PTGES3: variants seen among roughly 807,000 people sequenced by gnomAD.
The protein encoded by PTGES3 is prostaglandin E synthase 3, also known as Hsp90 co-chaperone.
Under a neutral mutation model 29.9 loss-of-function variants are expected in PTGES3, and 5 were observed. The ratio of observed to expected loss-of-function variants is 0.17; its 90% CI spans 0.09 to 0.35. The LOEUF is 0.35. Ranked by LOEUF, PTGES3 falls within the 10% of genes least tolerant of loss-of-function variation. PTGES3 has a pLI of 1.00. For missense variants in PTGES3, 128 were observed against 190.0 expected (o/e 0.67, Z 1.92); for synonymous variants, 49 against 57.8 (o/e 0.85, Z 0.69).
chr12:56,683,142 G>A (rs1164199851), intron 1 of PTGES3, among the ~76,000 whole-genome samples: 5 of 151,864 alleles, frequency 3.3e-5, no homozygotes, highest in Non-Finnish European at 2.9e-5. Flanking sequence ...GAGGTCAGGA[G>A]TTCAAGACCA....
At chr12:56,673,125 C>A in intron 1 of PTGES3, 60 bp from the exon 2 acceptor site, 1 of 1,157,094 alleles carries the variant, frequency 8.6e-7, no homozygotes, top group South Asian at 1.4e-5. Context: ...CATTCACATA[C>A]TAACCTTCGA....
Position 56,688,006 on chromosome 12 carries a change from C to G in PTGES3, c.-7G>C. Reference sequence around the variant, plus strand: ...CGGGGTGTCGCACTCACATTGTGAACGGGGCAGGGGGACGGGCGAACTGGT... The same window carrying G: ...CGGGGTGTCGCACTCACATTGTGAAGGGGGCAGGGGGACGGGCGAACTGGT... On this transcript the variant is annotated 5_prime_UTR_variant, in exon 1 of 8. Transcript: ENST00000262033. 1 of 1,588,802 alleles carries G rather than the reference C, an allele frequency of 6.3e-7. No homozygotes were observed. The highest frequency in any genetic ancestry group is 1.4e-5 in the African/African-American group (1 of 73,228).
intron 1 of PTGES3, among the ~76,000 whole-genome samples, chr12:56,685,046 C>T (rs1452410881): frequency 1.2e-4 from 18 of 152,010 alleles, no homozygotes; most frequent in African/African-American, 4.3e-4. Context: ...CGCTTGAGCC[C>T]GGGAGGTAGA....
chr12:56,674,799 C>G (rs1425369569), intron 1 of PTGES3, among the ~76,000 whole-genome samples: 5 of 115,646 alleles, frequency 4.3e-5, no homozygotes, highest in Non-Finnish European at 8.3e-5. Context: ...GCACCCCAGC[C>G]TGGGCAACAG....
intron 1 of PTGES3, among the ~76,000 whole-genome samples, chr12:56,681,623 A>G (rs1331645333): frequency 1.3e-5 from 2 of 150,446 alleles, no homozygotes; most frequent in African/African-American, 4.9e-5. Flanking sequence ...CCAAGGCGGC[A>G]GATCTCCTGA....
chr12:56,683,064 T>C (rs1161644671), intron 1 of PTGES3, among the ~76,000 whole-genome samples: 3 of 151,900 alleles, frequency 2.0e-5, no homozygotes, highest in Non-Finnish European at 1.5e-5. Flanking sequence ...GAATCTATCA[T>C]TGCCGGCTGC....
intron 1 of PTGES3, among the ~76,000 whole-genome samples, chr12:56,673,892 C>T (rs189615797): frequency 2.0e-5 from 3 of 151,616 alleles, no homozygotes; most frequent in African/African-American, 7.3e-5. Flanking sequence ...CACTTGAACC[C>T]GGGAGGTGGA....
In PTGES3 at chr12:56,688,170, A is replaced by C; in HGVS notation, c.-171T>G. 8.2e-7 allele frequency: 1 copy of C among 1,220,704 alleles called. No individual in the cohort carries two copies. The highest frequency in any genetic ancestry group is 1.1e-6 in the Non-Finnish European group (1 of 932,430). 75.6% of individuals were successfully genotyped at this position (1,220,704 alleles called of 1,614,324 possible). A position where few individuals can be genotyped will look rare whatever the true frequency, so the allele number is the denominator to read the frequency against. Reference sequence around the variant, plus strand: ...AGCGGCGGGCTCGACCTCGGGCCCCAGAATGCACCGCGCGGAAAGAGCGGC... The same window carrying C: ...AGCGGCGGGCTCGACCTCGGGCCCCCGAATGCACCGCGCGGAAAGAGCGGC... On this transcript the variant is annotated 5_prime_UTR_variant, in exon 1 of 8. Transcript: ENST00000262033.
intron 1 of PTGES3, among the ~76,000 whole-genome samples, chr12:56,681,835 C>T (rs1276044816): frequency 2.0e-5 from 3 of 151,654 alleles, no homozygotes; most frequent in Admixed American, 6.6e-5. Context: ...CCAGCCTGGG[C>T]GACAGAGCAA....
At chr12:56,668,723 GCTC>G (rs1188596346) in intron 5 of PTGES3, among the ~76,000 whole-genome samples, 1 of 152,306 alleles carries the variant, frequency 6.6e-6, no homozygotes, top group East Asian at 1.9e-4. Context: ...TGGAAACTTA[GCTC>G]CTTTTATTTA....
intron 1 of PTGES3, chr12:56,687,758 T>C (rs1375498721): frequency 2.9e-6 from 4 of 1,378,784 alleles, no homozygotes; most frequent in African/African-American, 1.5e-5. Flanking sequence ...GGGGTAAAAG[T>C]AGGATTTCCG....
chr12:56,670,643 C>A, intron 4 of PTGES3: 1 of 289,850 alleles, frequency 3.5e-6, no homozygotes, highest in Non-Finnish European at 6.6e-6. Context: ...GCGTGGTTAC[C>A]TGACATATGG....
At chr12:56,685,635 C>T (rs1328408613) in intron 1 of PTGES3, among the ~76,000 whole-genome samples, 2 of 151,602 alleles carry the variant, frequency 1.3e-5, no homozygotes, top group South Asian at 2.1e-4. Flanking sequence ...CTCCTGACCT[C>T]GTGATCCACC....
intron 1 of PTGES3, among the ~76,000 whole-genome samples, chr12:56,678,177 T>A (rs1592267757): frequency 6.6e-6 from 1 of 152,168 alleles, no homozygotes; most frequent in African/African-American, 2.4e-5. Context: ...TAGGTATTTT[T>A]AATTTATTTA....
rs1235146845 is a variant in PTGES3 at position 56,664,942 on chromosome 12, T to C, written c.439-142A>G. The C allele has an allele frequency of 1.8e-5, 25 of 1,413,966 alleles. No homozygotes were observed. The East Asian group carries it at 2.6e-4, about 15-fold the overall frequency. 87.6% of individuals were successfully genotyped at this position (1,413,966 alleles called of 1,614,324 possible). The stretch of plus-strand genomic sequence containing the variant: ...CATATCAAGCCTAGAAATTTAGTCA[T>C]TGGACTTGACTAGGTTTACCTAAGG... On this transcript the variant is annotated intron_variant, in intron 6 of 7. Coordinates refer to ENST00000262033, the MANE Select transcript of PTGES3 (RefSeq NM_006601.7).
intron 5 of PTGES3, among the ~76,000 whole-genome samples, chr12:56,668,849 T>G (rs1318178863): frequency 6.6e-6 from 1 of 152,166 alleles, no homozygotes; most frequent in African/African-American, 2.4e-5. Flanking sequence ...TTTCTGTACT[T>G]AGTTTTATTC....
intron 1 of PTGES3, among the ~76,000 whole-genome samples, chr12:56,684,034 A>G (rs1399614835): frequency 6.6e-6 from 1 of 152,174 alleles, no homozygotes; most frequent in African/African-American, 2.4e-5. Context: ...TAAATAGTAA[A>G]AAGTTCAATA....
At chr12:56,677,011 A>C (rs1286291436) in intron 1 of PTGES3, among the ~76,000 whole-genome samples, 1 of 150,778 alleles carries the variant, frequency 6.6e-6, no homozygotes, top group Non-Finnish European at 1.5e-5. Flanking sequence ...TGAGGTGAGC[A>C]GGTCACCTGA....
intron 1 of PTGES3, among the ~76,000 whole-genome samples, chr12:56,675,120 T>C (rs911167990): frequency 3.3e-5 from 5 of 149,350 alleles, no homozygotes; most frequent in African/African-American, 1.2e-4. Context: ...GCCAATATAG[T>C]AAAACCCCGT....
Sources: gnomAD v4.1 joint callset for allele counts (sites outside exome capture counted in the v4.1 genomes callset) on GRCh38, gnomAD v4.1.1 for gene constraint, MANE v1.5 for transcripts, NCBI Gene and HGNC (gene_info 2026-07-23, HGNC 2026-07-21) for gene names.